CCSER2: variants seen among roughly 807,000 people sequenced by gnomAD.
The protein encoded by CCSER2 is coiled-coil serine rich protein 2.
A neutral mutation model predicts 92.3 loss-of-function variants in CCSER2; 46 were observed. The observed-to-expected ratio is 0.50, with a 90% CI of 0.39 to 0.64. The LOEUF is 0.64. Ranked by LOEUF, CCSER2 falls within the 30% of genes least tolerant of loss-of-function variation. The pLI, the probability that CCSER2 is intolerant of heterozygous loss-of-function variation, is 0.00. For missense variants in CCSER2, 1,244 were observed against 1,238.9 expected, an observed-to-expected ratio of 1.00 and a Z score of -0.06; for synonymous variants, 433 against 431.4, an observed-to-expected ratio of 1.00 and a Z score of -0.04.
intron 7 of CCSER2, among the ~76,000 whole-genome samples, chr10:84,465,910 C>A: frequency 6.6e-6 from 1 of 151,924 alleles, no homozygotes; most frequent in East Asian, 1.9e-4. Flanking sequence ...ACCACCGCGC[C>A]CAGCTAATTT....
At chr10:84,439,718 A>C (rs1308935723) in intron 6 of CCSER2, among the ~76,000 whole-genome samples, 1 of 152,194 alleles carries the variant, frequency 6.6e-6, no homozygotes, top group Non-Finnish European at 1.5e-5. Context: ...TTTTTGAGCT[A>C]AGGAACAAAA....
intron 3 of CCSER2, among the ~76,000 whole-genome samples, chr10:84,395,783 G>A (rs1360033582): frequency 1.3e-5 from 2 of 152,178 alleles, no homozygotes; most frequent in East Asian, 3.8e-4. Flanking sequence ...AGCTGAATAA[G>A]TAGTGTCTCA....
intron 1 of CCSER2, among the ~76,000 whole-genome samples, chr10:84,336,860 G>T (rs529763292): frequency 8.5e-5 from 13 of 152,282 alleles, no homozygotes; most frequent in African/African-American, 2.6e-4. Flanking sequence ...ATGATTTTAG[G>T]CAGGGATTGG....
At chr10:84,480,393 T>G (rs1847389638) in intron 9 of CCSER2, among the ~76,000 whole-genome samples, 1 of 152,208 alleles carries the variant, frequency 6.6e-6, no homozygotes, top group African/African-American at 2.4e-5. Flanking sequence ...AGTAAGAGTG[T>G]AATAAGAAAA....
In CCSER2 at chr10:84,438,594, G is replaced by A. The variant is rs1248544067; in HGVS notation, c.1951G>A (p.Val651Ile). ...MPFFQAQKMF[V>I]DVPENTVILD... ...CTTTTTCCAGGCTCAGAAGATGTTT[G>A]TTGATGTACCAGAAAATACAGTGAT... Residue 651 changes from valine to isoleucine, a missense_variant, in exon 6 of 10, where the codon GTT becomes ATT. Coordinates refer to ENST00000372088, the MANE Select transcript of CCSER2 (RefSeq NM_001284240.2). The A allele has an allele frequency of 7.4e-6, 12 of 1,613,322 alleles. No homozygotes were observed. The highest frequency in any genetic ancestry group is 9.3e-6 in the Non-Finnish European group (11 of 1,179,458).
chr10:84,420,606 C>T (rs1412786943), intron 4 of CCSER2, among the ~76,000 whole-genome samples: 2 of 152,022 alleles, frequency 1.3e-5, no homozygotes, highest in Non-Finnish European at 2.9e-5. Context: ...TTTATAGCTT[C>T]TGGTTGTTGA....
chr10:84,448,270 C>G (rs1385862459), intron 6 of CCSER2, among the ~76,000 whole-genome samples: 1 of 152,116 alleles, frequency 6.6e-6, no homozygotes, highest in Non-Finnish European at 1.5e-5. Flanking sequence ...GGATATTCAC[C>G]TCACTCTTCT....
Position 84,371,317 on chromosome 10 carries a change from CATG to C in CCSER2, c.268_270del (p.Asp90del). ...AGAGCCTAACAATACTCAAAATTCACATGATAAAATAATTGATCCTGAAAAACG... is the reference window on the plus strand; with the variant it reads ...AGAGCCTAACAATACTCAAAATTCACATAAAATAATTGATCCTGAAAAACG... On this transcript the variant is annotated inframe_deletion, in exon 2 of 10. Transcript: ENST00000372088. 6.2e-7 allele frequency: 1 copy of C among 1,613,648 alleles called. No homozygotes were observed. The highest frequency in any genetic ancestry group is 8.5e-7 in the Non-Finnish European group (1 of 1,179,802).
chr10:84,465,193 A>G (rs1846321363), intron 7 of CCSER2, among the ~76,000 whole-genome samples: 1 of 147,644 alleles, frequency 6.8e-6, no homozygotes, highest in Non-Finnish European at 1.5e-5. Flanking sequence ...AAAATTGTGA[A>G]TTTGTGACTG....
chr10:84,460,348 C>T (rs1468044326), intron 6 of CCSER2, among the ~76,000 whole-genome samples: 4 of 151,236 alleles, frequency 2.6e-5, no homozygotes, highest in Non-Finnish European at 5.9e-5. Context: ...AGGTGATCCC[C>T]CCCGTCTTGG....
chr10:84,483,998 A>ATATATATT (rs1564711769), intron 9 of CCSER2, among the ~76,000 whole-genome samples: 1 of 55,280 alleles, frequency 1.8e-5, no homozygotes, highest in Non-Finnish European at 3.2e-5. Context: ...TATATATATA[A>ATATATATT]TTTTTTTTTT....
rs200247479 is a variant in CCSER2, at chr10:84,380,916, C to T, written c.1614+7101C>T. On this transcript the variant is annotated intron_variant, in intron 3 of 9. Transcript: ENST00000372088. Reference sequence around the variant, plus strand: ...TTCACCGTGTTAGCCAGGATGGTCTCGATCTCCTGACCTCGTGATCTGCCC... The same window carrying T: ...TTCACCGTGTTAGCCAGGATGGTCTTGATCTCCTGACCTCGTGATCTGCCC... 2.6e-5 allele frequency among the ~76,000 whole-genome samples: 4 copies of T among 152,098 alleles called. No individual in the cohort carries two copies. The East Asian group carries it at 5.8e-4, about 22-fold the overall frequency.
intron 3 of CCSER2, among the ~76,000 whole-genome samples, chr10:84,378,991 TA>T (rs1446565329): frequency 1.3e-5 from 2 of 152,232 alleles, no homozygotes; most frequent in Admixed American, 1.3e-4. Flanking sequence ...GCTGGCTTTA[TA>T]ATGAGTTGAG....
intron 9 of CCSER2, among the ~76,000 whole-genome samples, chr10:84,511,796 A>G (rs1849360047): frequency 6.6e-6 from 1 of 152,146 alleles, no homozygotes; most frequent in South Asian, 2.1e-4. Context: ...CCCAGGGAGA[A>G]TCTGTTGATT....
At chr10:84,415,746 G>A (rs1436367670) in intron 3 of CCSER2, among the ~76,000 whole-genome samples, 1 of 152,236 alleles carries the variant, frequency 6.6e-6, no homozygotes, top group African/African-American at 2.4e-5. Context: ...TCCTGAGCCA[G>A]CAGACTGGAT....
chr10:84,385,896 A>T (rs541603058), intron 3 of CCSER2, among the ~76,000 whole-genome samples: 3 of 152,162 alleles, frequency 2.0e-5, no homozygotes, highest in Admixed American at 6.5e-5. Context: ...AAAAAAATGT[A>T]TAACTCCATT....
chr10:84,396,796 CA>C (rs1418835647), intron 3 of CCSER2, among the ~76,000 whole-genome samples: 2 of 152,110 alleles, frequency 1.3e-5, no homozygotes, highest in Non-Finnish European at 2.9e-5. Flanking sequence ...CTTGGCCTTC[CA>C]AAGTGTCGGG....
At chr10:84,436,663 A>G (rs1278799963) in intron 5 of CCSER2, among the ~76,000 whole-genome samples, 1 of 151,338 alleles carries the variant, frequency 6.6e-6, no homozygotes, top group East Asian at 1.9e-4. Flanking sequence ...GGAAGTCACT[A>G]GTCACTGCGG....
intron 1 of CCSER2, among the ~76,000 whole-genome samples, chr10:84,359,334 T>G (rs1039767317): frequency 2.0e-4 from 30 of 152,076 alleles, no homozygotes; most frequent in African/African-American, 7.0e-4. Context: ...GTAAAAAATG[T>G]TTAGTTGATT....
Sources: allele counts gnomAD v4.1 joint callset (sites outside exome capture counted in the v4.1 genomes callset), GRCh38; gene constraint gnomAD v4.1.1; transcripts MANE v1.5; gene names NCBI Gene and HGNC (gene_info 2026-07-23, HGNC 2026-07-21).